Variants in AP1B1 observed in about 807,000 individuals in gnomAD.
AP1B1 encodes the protein adaptor related protein complex 1 subunit beta 1.
In AP1B1, 36 loss-of-function variants were observed where a neutral mutation model predicts 104.3. The observed-to-expected ratio is 0.35, with a 90% CI of 0.26 to 0.46. The LOEUF is 0.46. Among genes scored for constraint, AP1B1 ranks in the 20% least tolerant of loss-of-function variants. The pLI is 1.00. For missense variants in AP1B1, 901 were observed against 1,247.9 expected, an observed-to-expected ratio of 0.72 and a Z score of 4.19; for synonymous variants, 504 against 517.5, an observed-to-expected ratio of 0.97 and a Z score of 0.35.
Position 29,340,670 on chromosome 22 carries a change from C to A in AP1B1, c.1984G>T (p.Gly662Cys). The A allele has an allele frequency of 6.4e-7, 1 of 1,560,968 alleles. No homozygotes were observed. The highest frequency in any genetic ancestry group is 1.2e-5 in the South Asian group (1 of 84,692). ...CCACAACATACCAGGCTGTCAAGGC[C>A]ACCGCCAAGAAGGTCCACAGCTCCC... ...QMGAVDLLGGGLDSLMGDEPE... is the reference protein window; with the variant it reads ...QMGAVDLLGGCLDSLMGDEPE... Residue 662 changes from glycine (G) to cysteine (C), a missense_variant, in exon 14 of 23, where the codon GGC becomes TGC. Gly to Cys is a radical substitution (Grantham distance 159, BLOSUM62 -3). Transcript: ENST00000357586.
Position 29,327,911 on chromosome 22 carries a change from T to C in AP1B1, c.*910A>G, listed in dbSNP as rs1371327180. On this transcript the variant is annotated 3_prime_UTR_variant, in exon 23 of 23. Coordinates refer to ENST00000357586, the MANE Select transcript of AP1B1 (RefSeq NM_001127.4). ...ACACAGCAGTAACAGGAAAACCTAATGCTCTGTCAGACACAACTGAAACCT... is the reference window on the plus strand; with the variant it reads ...ACACAGCAGTAACAGGAAAACCTAACGCTCTGTCAGACACAACTGAAACCT... The C allele has an allele frequency of 1.3e-5, 2 of 152,422 alleles. No individual in the cohort carries two copies. Among genetic ancestry groups the C allele is most frequent in the Non-Finnish European group, 2.9e-5 (2 of 68,038 alleles). The allele number at this position is 152,422 out of a possible 1,614,324, so 9.4% of individuals were successfully genotyped here. A position where few individuals can be genotyped will look rare whatever the true frequency, so the allele number is the denominator to read the frequency against.
At chr22:29,330,235 A>C in intron 21 of AP1B1, 143 bp downstream of exon 21, 2 of 1,490,552 alleles carry the variant, frequency 1.3e-6, no homozygotes, top group South Asian at 2.5e-5. Flanking sequence ...GCTTTCTAGA[A>C]AGGTCCTTCT....
At chr22:29,372,248 C>A (rs1005074061) in intron 1 of AP1B1, among the ~76,000 whole-genome samples, 4 of 151,848 alleles carry the variant, frequency 2.6e-5, no homozygotes, top group Non-Finnish European at 5.9e-5. Context: ...CATGGTGAAA[C>A]CCCATCTCTA....
chr22:29,343,143 A>G (rs1405862082), intron 11 of AP1B1, among the ~76,000 whole-genome samples: 1 of 152,250 alleles, frequency 6.6e-6, no homozygotes, highest in East Asian at 1.9e-4. Context: ...TGCTGACTGA[A>G]GAAACATCTA....
At chr22:29,383,570 G>A (rs559120269) in intron 1 of AP1B1, among the ~76,000 whole-genome samples, 2 of 151,932 alleles carry the variant, frequency 1.3e-5, no homozygotes, top group Admixed American at 6.6e-5. Context: ...TTAGCCGGGC[G>A]TGGTGGCGGG....
chr22:29,347,769 A>C (rs1251732706), intron 11 of AP1B1, among the ~76,000 whole-genome samples: 2 of 152,150 alleles, frequency 1.3e-5, no homozygotes, highest in African/African-American at 4.8e-5. Context: ...ATAGGAGTCT[A>C]AACCAGCACA....
chr22:29,354,295 G>C (rs189329068), intron 7 of AP1B1, among the ~76,000 whole-genome samples: 176 of 152,322 alleles, frequency 1.2e-3, no homozygotes, highest in Non-Finnish European at 2.0e-3. Flanking sequence ...TACATAGCCT[G>C]CTTCCTAGTT....
chr22:29,353,499 T>C (rs2061909030), intron 7 of AP1B1, among the ~76,000 whole-genome samples: 1 of 152,222 alleles, frequency 6.6e-6, no homozygotes, highest in African/African-American at 2.4e-5. Flanking sequence ...TACTAGTCAC[T>C]ACGCCGCATT....
At chr22:29,386,679 T>A (rs1226309938) in intron 1 of AP1B1, among the ~76,000 whole-genome samples, 1 of 151,806 alleles carries the variant, frequency 6.6e-6, no homozygotes, top group Non-Finnish European at 1.5e-5. Flanking sequence ...TACAGTAATA[T>A]TTATATACAG....
At chr22:29,329,109 CCTG>C in intron 22 of AP1B1, 21 of 1,371,376 alleles carry the variant, frequency 1.5e-5, no homozygotes, top group Non-Finnish European at 2.0e-5. Context: ...AGCCCACACA[CCTG>C]CTGTCAGCCC....
intron 17 of AP1B1, among the ~76,000 whole-genome samples, chr22:29,334,037 C>A (rs1399450187): frequency 6.6e-6 from 1 of 152,206 alleles, no homozygotes; most frequent in Non-Finnish European, 1.5e-5. Flanking sequence ...TGCACTCCAG[C>A]CTGTGTGACA....
chr22:29,351,762 CA>C lies in AP1B1; in HGVS notation c.1001del (p.Val334GlyfsTer9), dbSNP rs760066367. On this transcript the variant is annotated frameshift_variant, in exon 8 of 23. Coordinates refer to ENST00000357586, the MANE Select transcript of AP1B1 (RefSeq NM_001127.4). LOFTEE classifies it high-confidence loss of function. ...TCATGATGTCCAGCTTCTCCAGCTTCACGTAGATAGGGTCGTTGTACTTCAC... is the reference window on the plus strand; with the variant it reads ...TCATGATGTCCAGCTTCTCCAGCTTCCGTAGATAGGGTCGTTGTACTTCAC... ...FFVKYNDPIY[V>X]KLEKLDIMIR... is the part of the protein sequence containing the mutation. The C allele has an allele frequency of 6.2e-7, 1 of 1,614,100 alleles. No individual in the cohort carries two copies. The highest frequency in any genetic ancestry group is 8.5e-7 in the Non-Finnish European group (1 of 1,180,048).
chr22:29,339,091 G>T lies in AP1B1; in HGVS notation c.2062C>A (p.Pro688Thr). Reference sequence around the variant, plus strand: ...CCGATGGGTGCTCCAAGATTGGCTGGTACTGCTGCTGTTGGAGGTGCCACG... The same window carrying T: ...CCGATGGGTGCTCCAAGATTGGCTGTTACTGCTGCTGTTGGAGGTGCCACG... ...NFVAPPTAAV[P>T]ANLGAPIGSG... Residue 688 changes from proline to threonine, a missense_variant, in exon 16 of 23, where the codon CCA becomes ACA. Pro to Thr is a conservative substitution (Grantham distance 38). Around this residue, in one of 3 missense-constraint regions of AP1B1, gnomAD observed 424 missense variants for 494.0 expected, o/e 0.86. Transcript: ENST00000357586. The T allele has an allele frequency of 1.9e-6, 3 of 1,614,192 alleles. No individual in the cohort carries two copies. The highest frequency in any genetic ancestry group is 2.5e-6 in the Non-Finnish European group (3 of 1,180,046).
rs941744854 is a variant in AP1B1 at position 29,375,756 on chromosome 22, CA to C, written c.-27-8487del. On this transcript the variant is annotated intron_variant, in intron 1 of 22. Coordinates refer to ENST00000357586, the MANE Select transcript of AP1B1 (RefSeq NM_001127.4). The stretch of plus-strand genomic sequence containing the variant: ...GGCCTGCCTTTCTCCAAATGTCAAA[CA>C]AAAGAATATGATTAATCAATGGCTC... Among the ~76,000 whole-genome samples the C allele has an allele frequency of 2.5e-4, 38 of 152,152 alleles. 1 individual carries two copies. The highest frequency in any genetic ancestry group is 2.1e-3 in the Admixed American group (32 of 15,268).
At chr22:29,343,419 G>A (rs939911046) in intron 11 of AP1B1, among the ~76,000 whole-genome samples, 2 of 152,240 alleles carry the variant, frequency 1.3e-5, no homozygotes, top group African/African-American at 4.8e-5. Flanking sequence ...TGGAGGGCAC[G>A]TGGTCCTCCA....
At chr22:29,335,885 C>T (rs752973024) in intron 16 of AP1B1, among the ~76,000 whole-genome samples, 8 of 152,316 alleles carry the variant, frequency 5.3e-5, no homozygotes, top group South Asian at 4.1e-4. Context: ...TGTGCCACGG[C>T]GGCTGAGAGA....
intron 2 of AP1B1, among the ~76,000 whole-genome samples, chr22:29,364,127 C>G (rs1395743290): frequency 6.6e-6 from 1 of 152,180 alleles, no homozygotes; most frequent in African/African-American, 2.4e-5. Context: ...GGGGTGAGAG[C>G]AGGATTTGTG....
Position 29,349,335 on chromosome 22 carries a change from A to C in AP1B1, c.1320T>G (p.Asp440Glu), listed in dbSNP as rs952958732. 2 of 1,613,994 alleles carry C rather than the reference A, an allele frequency of 1.2e-6. No individual in the cohort carries two copies. The highest frequency in any genetic ancestry group is 2.7e-5 in the African/African-American group (2 of 74,944). Residue 440 changes from aspartate to glutamate, a missense_variant, in exon 11 of 23, where the codon GAT (aspartate) becomes GAG (glutamate). Asp to Glu is a conservative substitution (Grantham distance 45). Around this residue, in one of 3 missense-constraint regions of AP1B1, gnomAD observed 471 missense variants for 696.7 expected, o/e 0.68. Coordinates refer to ENST00000357586, the MANE Select transcript of AP1B1 (RefSeq NM_001127.4). The stretch of plus-strand genomic sequence containing the variant: ...TCATGGCAGCCCGGGCCTCAGGCTC[A>C]TCCAGGGAGTCCAGATTCTCACACA... ...ATLCENLDSL[D>E]EPEARAAMIW...
chr22:29,350,599 T>G (rs1384720037), intron 9 of AP1B1, among the ~76,000 whole-genome samples: 1 of 152,186 alleles, frequency 6.6e-6, no homozygotes, highest in African/African-American at 2.4e-5. Context: ...GACGGCATCA[T>G]AGGCTCCAGG....
Sources: allele counts gnomAD v4.1 joint callset (sites outside exome capture counted in the v4.1 genomes callset), GRCh38; gene constraint gnomAD v4.1.1; regional missense constraint gnomAD v4.1.1; transcripts MANE v1.5; gene names NCBI Gene and HGNC (gene_info 2026-07-23, HGNC 2026-07-21).